Variants in DLGAP1 observed in about 807,000 individuals in gnomAD.
DLGAP1 encodes the protein disks large-associated protein 1.
DLGAP1 carries 11 observed loss-of-function variants against 90.8 expected under a neutral mutation model. That is an observed-to-expected ratio of 0.12 (90% CI 0.08 to 0.20). DLGAP1 has a LOEUF of 0.20. DLGAP1 is among the 10% of genes least tolerant of loss of function. The pLI is 1.00. For missense variants in DLGAP1, 1,050 were observed against 1,333.8 expected, an observed-to-expected ratio of 0.79 and a Z score of 3.31; for synonymous variants, 558 against 540.7, an observed-to-expected ratio of 1.03 and a Z score of -0.44.
intron 3 of DLGAP1, among the ~76,000 whole-genome samples, chr18:3,918,207 T>C (rs1193331243): frequency 6.6e-6 from 1 of 152,216 alleles, no homozygotes; most frequent in Non-Finnish European, 1.5e-5. Context: ...TACCTGTTAT[T>C]ACTGGGCTAG....
intron 9 of DLGAP1, among the ~76,000 whole-genome samples, chr18:3,546,414 CAAA>C (rs58897010): frequency 5.9e-4 from 72 of 122,330 alleles, no homozygotes; most frequent in East Asian, 7.1e-4. Context: ...AACCTTGTCT[CAAA>C]AAAAAAAAAA....
intron 1 of DLGAP1, among the ~76,000 whole-genome samples, chr18:4,398,972 C>A (rs1313100141): frequency 6.6e-6 from 1 of 152,156 alleles, no homozygotes; most frequent in Non-Finnish European, 1.5e-5. Flanking sequence ...GCTGGGACTA[C>A]AAGCGCGCAC....
At chr18:3,866,047 T>A (rs867231990) in intron 4 of DLGAP1, among the ~76,000 whole-genome samples, 28 of 152,190 alleles carry the variant, frequency 1.8e-4, no homozygotes, top group Non-Finnish European at 2.9e-4. Context: ...ATTCCTCTTT[T>A]TTTGGGTCAC....
chr18:4,388,197 T>C (rs2082274043), intron 1 of DLGAP1, among the ~76,000 whole-genome samples: 1 of 151,766 alleles, frequency 6.6e-6, no homozygotes, highest in Non-Finnish European at 1.5e-5. Flanking sequence ...CTAAAGAGTG[T>C]TAAGAAATGC....
At chr18:4,447,646 T>G (rs2083701196) in intron 1 of DLGAP1, among the ~76,000 whole-genome samples, 1 of 152,006 alleles carries the variant, frequency 6.6e-6, no homozygotes, top group African/African-American at 2.4e-5. Context: ...CCTGAAATAT[T>G]TCACAGGAAT....
At chr18:4,407,607 G>A (rs564357895) in intron 1 of DLGAP1, among the ~76,000 whole-genome samples, 89 of 152,142 alleles carry the variant, frequency 5.8e-4, no homozygotes, top group East Asian at 1.9e-4. Flanking sequence ...GGCCGAGTGC[G>A]CTGGCTCACG....
At chr18:4,368,865 C>T (rs2081848477) in intron 1 of DLGAP1, among the ~76,000 whole-genome samples, 1 of 151,904 alleles carries the variant, frequency 6.6e-6, no homozygotes, top group African/African-American at 2.4e-5. Context: ...AAAAGAGATG[C>T]TGGATGGATA....
chr18:4,071,579 C>T (rs562264812), intron 2 of DLGAP1, among the ~76,000 whole-genome samples: 1 of 151,796 alleles, frequency 6.6e-6, no homozygotes, highest in Admixed American at 6.6e-5. Context: ...ACAGCCATCA[C>T]CGCATTCTAA....
chr18:4,288,510 C>T (rs2079762129), intron 1 of DLGAP1, among the ~76,000 whole-genome samples: 1 of 152,102 alleles, frequency 6.6e-6, no homozygotes. Context: ...AGGGCAGCTC[C>T]AGTTAAAAAT....
At chr18:3,903,361 A>AT (rs2071826754) in intron 3 of DLGAP1, among the ~76,000 whole-genome samples, 1 of 152,170 alleles carries the variant, frequency 6.6e-6, no homozygotes. Flanking sequence ...ATGCAATCGT[A>AT]TTTTTAAAAA....
intron 7 of DLGAP1, among the ~76,000 whole-genome samples, chr18:3,728,266 TAGAC>T (rs1436674772): frequency 2.0e-5 from 3 of 149,958 alleles, no homozygotes; most frequent in East Asian, 1.9e-4. Context: ...TAAGCCTAGT[TAGAC>T]AGTGGGATTT....
rs2066973885 is a variant in DLGAP1, at chr18:3,814,117, G to A, written c.1114C>T (p.Arg372Trp). 6.2e-6 allele frequency: 10 copies of A among 1,613,998 alleles called. No individual in the cohort carries two copies. Among genetic ancestry groups the A allele is most frequent in the Non-Finnish European group, 7.6e-6 (9 of 1,179,986 alleles). ...GTAGCCTTGAGATAGCTTTCTCTCC[G>A]CGCAGCAACTTTTGGAGAAGGCTTA... ...SPKPSPKVAA[R>W]RESYLKATQP... The change falls in exon 5 of 13, where the codon CGG becomes TGG. Residue 372 changes from arginine to tryptophan, a missense_variant. Coordinates refer to ENST00000315677, the MANE Select transcript of DLGAP1 (RefSeq NM_004746.4).
At chr18:3,895,315 ACACACAT>A (rs1358384433) in intron 3 of DLGAP1, among the ~76,000 whole-genome samples, 45 of 148,902 alleles carry the variant, frequency 3.0e-4, no homozygotes, top group African/African-American at 1.0e-3. Flanking sequence ...ACACACACAC[ACACACAT>A]CATCATCATC....
At chr18:3,650,348 C>T (rs1293069163) in intron 7 of DLGAP1, among the ~76,000 whole-genome samples, 5 of 152,012 alleles carry the variant, frequency 3.3e-5, no homozygotes, top group East Asian at 1.9e-4. Flanking sequence ...CTGGTTGAAA[C>T]ATTTATATTT....
chr18:4,450,080 A>AATGTGCCTTGTCTTTTTGCT (rs2083781783), intron 1 of DLGAP1, among the ~76,000 whole-genome samples: 2 of 152,222 alleles, frequency 1.3e-5, no homozygotes, highest in Admixed American at 1.3e-4. Context: ...GAAGAGAGTG[A>AATGTGCCTTGTCTTTTTGCT]ATGTGCCTTG....
Position 4,427,378 on chromosome 18 carries a change from G to A in DLGAP1, c.-267+27628C>T, listed in dbSNP as rs2083180485. Among the ~76,000 whole-genome samples, 5 of 152,300 alleles carry A rather than the reference G, an allele frequency of 3.3e-5. No individual in the cohort carries two copies. In the South Asian group the frequency reaches 1.0e-3, roughly 32 times the overall value. ...TACCTTAGCTCTATTGAATATGTGA[G>A]TCTGGGATCTTGAATTATGCAAATT... On this transcript the variant is annotated intron_variant, in intron 1 of 12. Transcript: ENST00000315677.
chr18:4,381,894 C>T (rs946293104), intron 1 of DLGAP1, among the ~76,000 whole-genome samples: 4 of 152,126 alleles, frequency 2.6e-5, no homozygotes, highest in Admixed American at 1.3e-4. Flanking sequence ...GCTGGGGAGG[C>T]CTCACAATTA....
intron 3 of DLGAP1, among the ~76,000 whole-genome samples, chr18:3,895,446 T>C (rs1046217771): frequency 1.1e-4 from 16 of 152,190 alleles, no homozygotes; most frequent in African/African-American, 2.9e-4. Flanking sequence ...ATATGCTTTT[T>C]CCCTCACTTG....
At chr18:4,328,911 T>C (rs2080886034) in intron 1 of DLGAP1, among the ~76,000 whole-genome samples, 1 of 152,034 alleles carries the variant, frequency 6.6e-6, no homozygotes, top group Non-Finnish European at 1.5e-5. Flanking sequence ...TATTAAGTCA[T>C]AAGAGTTCTT....
Sources: gnomAD v4.1 joint callset for allele counts (sites outside exome capture counted in the v4.1 genomes callset) on GRCh38, gnomAD v4.1.1 for gene constraint, MANE v1.5 for transcripts, NCBI Gene and HGNC (gene_info 2026-07-23, HGNC 2026-07-21) for gene names.